RUFY3: variants seen among roughly 807,000 people sequenced by gnomAD.
RUFY3 encodes RUN and FYVE domain containing 3, also known as protein RUFY3.
In RUFY3, 34 loss-of-function variants were observed where a neutral mutation model predicts 84.0. That is an observed-to-expected ratio of 0.40 (90% confidence interval 0.31 to 0.54). The LOEUF (loss-of-function observed/expected upper bound fraction) is 0.54, where lower values mean the gene tolerates loss of function less well. RUFY3 is among the 20% of genes least tolerant of loss of function. The pLI is 0.39. For missense variants in RUFY3, 507 were observed against 736.8 expected, an observed-to-expected ratio of 0.69 and a Z score of 3.61; for synonymous variants, 242 against 252.9, an observed-to-expected ratio of 0.96 and a Z score of 0.41.
intron 4 of RUFY3, among the ~76,000 whole-genome samples, chr4:70,767,559 CAGTT>C (rs1374221148): frequency 5.9e-5 from 9 of 152,026 alleles, no homozygotes; most frequent in African/African-American, 1.9e-4. Flanking sequence ...GTTTTTAACT[CAGTT>C]GGGTAAATAC....
At chr4:70,800,633 C>T (rs985828644) in intron 15 of RUFY3, among the ~76,000 whole-genome samples, 1 of 152,188 alleles carries the variant, frequency 6.6e-6, no homozygotes, top group Non-Finnish European at 1.5e-5. Context: ...CCTGTAATCC[C>T]AGTACTTTGG....
At chr4:70,748,554 A>G (rs2148665499) in intron 1 of RUFY3, among the ~76,000 whole-genome samples, 1 of 152,308 alleles carries the variant, frequency 6.6e-6, no homozygotes, top group South Asian at 2.1e-4. Context: ...TAACAAATTA[A>G]TAAAGCCTCT....
intron 1 of RUFY3, among the ~76,000 whole-genome samples, chr4:70,725,765 T>G (rs1718132790): frequency 6.6e-6 from 1 of 152,168 alleles, no homozygotes; most frequent in Non-Finnish European, 1.5e-5. Context: ...AGTGAGACCT[T>G]AAGAGATAAA....
At chr4:70,713,709 G>A (rs1348580829) in intron 1 of RUFY3, among the ~76,000 whole-genome samples, 2 of 152,142 alleles carry the variant, frequency 1.3e-5, no homozygotes, top group Non-Finnish European at 2.9e-5. Flanking sequence ...TTCAGAGTCT[G>A]TTTAGGGACT....
At chr4:70,800,783 G>T (rs1032838629) in intron 15 of RUFY3, among the ~76,000 whole-genome samples, 1 of 152,166 alleles carries the variant, frequency 6.6e-6, no homozygotes, top group African/African-American at 2.4e-5. Flanking sequence ...TTGGGAGGCC[G>T]AGGCAGGAGA....
At chr4:70,726,195 T>G (rs1405688464) in intron 1 of RUFY3, among the ~76,000 whole-genome samples, 1 of 152,082 alleles carries the variant, frequency 6.6e-6, no homozygotes, top group Non-Finnish European at 1.5e-5. Flanking sequence ...ACCCGATGAC[T>G]GAGGGGCTGG....
At chr4:70,733,833 A>T (rs952143652) in intron 1 of RUFY3, among the ~76,000 whole-genome samples, 1 of 152,204 alleles carries the variant, frequency 6.6e-6, no homozygotes, top group African/African-American at 2.4e-5. Flanking sequence ...GGTGATTTTT[A>T]TAATATTCTT....
intron 1 of RUFY3, among the ~76,000 whole-genome samples, chr4:70,708,413 C>T (rs1577877323): frequency 6.6e-6 from 1 of 152,118 alleles, no homozygotes; most frequent in East Asian, 1.9e-4. Context: ...CCACCCTCCT[C>T]GGCCTCACAA....
intron 14 of RUFY3, among the ~76,000 whole-genome samples, chr4:70,796,803 C>T (rs976894417): frequency 6.6e-6 from 1 of 152,122 alleles, no homozygotes; most frequent in African/African-American, 2.4e-5. Context: ...AAAGCATTGT[C>T]CCCAAAAGCT....
intron 4 of RUFY3, among the ~76,000 whole-genome samples, chr4:70,764,792 C>G (rs919417727): frequency 6.6e-6 from 1 of 152,110 alleles, no homozygotes; most frequent in South Asian, 2.1e-4. Context: ...TGGTCCTTTC[C>G]AAGGCAGGCC....
At chr4:70,750,241 C>A (rs1339462704) in intron 1 of RUFY3, among the ~76,000 whole-genome samples, 1 of 152,138 alleles carries the variant, frequency 6.6e-6, no homozygotes, top group African/African-American at 2.4e-5. Flanking sequence ...TCTCCATCAC[C>A]AGCTTCAGTA....
At chr4:70,783,005 G>A (rs1192612458) in intron 8 of RUFY3, 86 bp from the exon 9 acceptor site, 1 of 773,836 alleles carries the variant, frequency 1.3e-6, no homozygotes, top group Non-Finnish European at 2.1e-6. Context: ...CCAAGCCTGA[G>A]AATTACATCC....
At chr4:70,731,702 G>A (rs1719301647) in intron 1 of RUFY3, among the ~76,000 whole-genome samples, 1 of 152,046 alleles carries the variant, frequency 6.6e-6, no homozygotes, top group African/African-American at 2.4e-5. Context: ...TGAGTAGCTG[G>A]GACTATAAAT....
chr4:70,800,311 TATA>T, intron 15 of RUFY3, 106 bp downstream of exon 15: 2 of 732,018 alleles, frequency 2.7e-6, no homozygotes, highest in Non-Finnish European at 4.4e-6. Flanking sequence ...GACACTGACT[TATA>T]ATATTAATAT....
chr4:70,777,587 T>C (rs1578183524), intron 7 of RUFY3, among the ~76,000 whole-genome samples: 1 of 152,202 alleles, frequency 6.6e-6, no homozygotes, highest in African/African-American at 2.4e-5. Context: ...ATGACTTTAA[T>C]GAACTATGGA....
At position 70,715,777 on chromosome 4, in the gene RUFY3, C is replaced by T. The variant is rs147874938; in HGVS notation, c.358+10483C>T. The stretch of plus-strand genomic sequence containing the variant: ...ATTTTAGGAAGAAGTTTCTATTCTG[C>T]ATTATGAAAATCAGAAATAACCCAG... On this transcript the variant is annotated intron_variant, in intron 1 of 11. Transcript: ENST00000417478. Among the ~76,000 whole-genome samples, 691 of 152,170 alleles carry T rather than the reference C, an allele frequency of 4.5e-3. 4 individuals are homozygous for T. Among genetic ancestry groups the T allele is most frequent in the African/African-American group, 0.016 (660 of 41,518 alleles).
At chr4:70,761,375 G>A (rs1725010297) in intron 1 of RUFY3, among the ~76,000 whole-genome samples, 2 of 152,220 alleles carry the variant, frequency 1.3e-5, no homozygotes, top group Admixed American at 6.5e-5. Flanking sequence ...ATGGTCAGGA[G>A]GAGTCTGGCC....
chr4:70,755,162 G>A (rs1723792528), intron 1 of RUFY3, among the ~76,000 whole-genome samples: 2 of 151,952 alleles, frequency 1.3e-5, no homozygotes, highest in Middle Eastern at 3.4e-3. Flanking sequence ...GAGCCACCGC[G>A]TGAGCCACCA....
intron 17 of RUFY3, among the ~76,000 whole-genome samples, chr4:70,804,790 G>A (rs1468860650): frequency 1.3e-5 from 2 of 151,052 alleles, no homozygotes; most frequent in African/African-American, 4.9e-5. Flanking sequence ...AAATAGCCGG[G>A]CGTGGTGGCC....
Sources: allele counts gnomAD v4.1 joint callset (sites outside exome capture counted in the v4.1 genomes callset), GRCh38; gene constraint gnomAD v4.1.1; transcripts MANE v1.5; gene names NCBI Gene and HGNC (gene_info 2026-07-23, HGNC 2026-07-21).